C10orf67: variants seen among roughly 807,000 people sequenced by gnomAD.
The protein encoded by C10orf67 is chromosome 10 open reading frame 67.
In C10orf67, 60 loss-of-function variants were observed where a neutral mutation model predicts 35.6. The observed-to-expected ratio is 1.68, with a 90% CI of 1.37 to 2.09. The LOEUF (loss-of-function observed/expected upper bound fraction) is 2.09, where lower values mean the gene tolerates loss of function less well. Among genes scored for constraint, C10orf67 ranks in the 30% most tolerant of loss-of-function variants. The pLI, the probability that C10orf67 is intolerant of heterozygous loss-of-function variation, is 0.00. For missense variants in C10orf67, 474 were observed against 330.2 expected, an observed-to-expected ratio of 1.44 and a Z score of -3.38; for synonymous variants, 167 against 115.8, an observed-to-expected ratio of 1.44 and a Z score of -2.84.
At chr10:23,282,144 A>G in intron 7 of C10orf67, 66 bp from the exon 8 acceptor site, 2 of 425,840 alleles carry the variant, frequency 4.7e-6, no homozygotes, top group South Asian at 6.7e-5. Flanking sequence ...TCCCTCCTCA[A>G]GAAAATTTAG....
intron 5 of C10orf67, among the ~76,000 whole-genome samples, chr10:23,297,230 C>CCCTTTCCTTT (rs55638393): frequency 0.013 from 1,886 of 145,678 alleles, 34 homozygotes; most frequent in East Asian, 0.063. Context: ...CTTTCTATTT[C>CCCTTTCCTTT]CCTTTCCTTT....
chr10:23,249,547 T>C lies in C10orf67; in HGVS notation c.1346+908A>G, dbSNP rs370525841. 2.3e-4 allele frequency among the ~76,000 whole-genome samples: 35 copies of C among 152,348 alleles called. No homozygotes were observed. In the South Asian group the frequency reaches 4.8e-3, roughly 21 times the overall value. On this transcript the variant is annotated intron_variant, in intron 12 of 15. Coordinates refer to ENST00000636213, the MANE Select transcript of C10orf67 (RefSeq NM_001371909.1). ...TGTTTTTGCCCTGAATCCTCTGTTT[T>C]TTCTGTCTTGGCATGGATTCTTTGT...
At chr10:23,284,841 A>G (rs1321947427) in intron 7 of C10orf67, among the ~76,000 whole-genome samples, 1 of 152,198 alleles carries the variant, frequency 6.6e-6, no homozygotes, top group Non-Finnish European at 1.5e-5. Flanking sequence ...CTTCTCTAGT[A>G]CACACTTCTC....
rs185950401 is a variant in C10orf67 at position 23,325,783 on chromosome 10, C to T, written c.328-3246G>A. ...GTCAGAATTGCCAAAGATGTTAAAG[C>T]AGTTATTATAACTATGCATGATGAA... On this transcript the variant is annotated intron_variant, in intron 2 of 15. Transcript: ENST00000636213. 1.9e-4 allele frequency among the ~76,000 whole-genome samples: 28 copies of T among 151,002 alleles called. 1 individual carries two copies. Among genetic ancestry groups the T allele is most frequent in the South Asian group, 8.3e-4 (4 of 4,796 alleles).
At chr10:23,270,704 G>A (rs778079731) in intron 8 of C10orf67, among the ~76,000 whole-genome samples, 35 of 152,202 alleles carry the variant, frequency 2.3e-4, no homozygotes, top group South Asian at 2.1e-4. Context: ...GGGGAGAGGC[G>A]GCTGCCATCT....
intron 8 of C10orf67, among the ~76,000 whole-genome samples, chr10:23,280,934 G>A (rs1843346756): frequency 6.6e-6 from 1 of 152,026 alleles, no homozygotes; most frequent in African/African-American, 2.4e-5. Flanking sequence ...TTAGTTGTTT[G>A]TTTTCCAAAG....
intron 12 of C10orf67, among the ~76,000 whole-genome samples, chr10:23,249,191 T>G (rs1342458532): frequency 7.5e-6 from 1 of 133,176 alleles, no homozygotes; most frequent in Non-Finnish European, 1.6e-5. Context: ...AAATCATCAC[T>G]GAAGAATAGG....
intron 13 of C10orf67, among the ~76,000 whole-genome samples, chr10:23,225,553 C>T (rs1263296166): frequency 6.6e-6 from 1 of 152,100 alleles, no homozygotes; most frequent in African/African-American, 2.4e-5. Context: ...CTAAATGCTC[C>T]AATTAAAAGA....
intron 12 of C10orf67, among the ~76,000 whole-genome samples, chr10:23,245,558 C>T (rs1243401317): frequency 6.6e-6 from 1 of 152,186 alleles, no homozygotes; most frequent in African/African-American, 2.4e-5. Context: ...ACTGAATAGA[C>T]ATTTCCCCAA....
chr10:23,316,417 G>A (rs1844713087), intron 4 of C10orf67, among the ~76,000 whole-genome samples: 1 of 152,230 alleles, frequency 6.6e-6, no homozygotes, highest in Non-Finnish European at 1.5e-5. Flanking sequence ...CTAGGTCTGG[G>A]CGCCCCCAAG....
At chr10:23,253,127 A>G (rs1842504836) in intron 10 of C10orf67, among the ~76,000 whole-genome samples, 1 of 152,234 alleles carries the variant, frequency 6.6e-6, no homozygotes, top group Non-Finnish European at 1.5e-5. Flanking sequence ...CTGAAAGTCC[A>G]TTAAACCCCT....
intron 4 of C10orf67, among the ~76,000 whole-genome samples, chr10:23,307,190 T>G (rs1844318594): frequency 6.6e-6 from 1 of 152,224 alleles, no homozygotes; most frequent in African/African-American, 2.4e-5. Context: ...GTTACTTACT[T>G]CCAGCATTTA....
chr10:23,277,427 G>A (rs1398287225), intron 8 of C10orf67, among the ~76,000 whole-genome samples: 1 of 151,704 alleles, frequency 6.6e-6, no homozygotes, highest in East Asian at 1.9e-4. Context: ...TTGGTGCATG[G>A]CTGTAATCCC....
intron 13 of C10orf67, among the ~76,000 whole-genome samples, chr10:23,238,147 C>T (rs1363691823): frequency 6.6e-6 from 1 of 152,152 alleles, no homozygotes; most frequent in Non-Finnish European, 1.5e-5. Flanking sequence ...GTCTTGTTCA[C>T]TATGTTACAC....
intron 10 of C10orf67, among the ~76,000 whole-genome samples, chr10:23,252,561 G>C (rs1199329981): frequency 2.0e-5 from 3 of 152,194 alleles, no homozygotes; most frequent in African/African-American, 7.2e-5. Context: ...TTGAGCTAAA[G>C]TAGAGAAGGC....
intron 15 of C10orf67, among the ~76,000 whole-genome samples, chr10:23,204,951 C>T (rs919513212): frequency 6.6e-6 from 1 of 152,094 alleles, no homozygotes; most frequent in Non-Finnish European, 1.5e-5. Context: ...AAGCCGGGAG[C>T]GTGGAGAAGG....
At chr10:23,305,441 C>T (rs1344229851) in intron 4 of C10orf67, among the ~76,000 whole-genome samples, 1 of 152,134 alleles carries the variant, frequency 6.6e-6, no homozygotes, top group African/African-American at 2.4e-5. Context: ...AGTTTGGGAC[C>T]AGCCTGAGCA....
chr10:23,283,385 A>G (rs1362220928), intron 7 of C10orf67, among the ~76,000 whole-genome samples: 1 of 152,198 alleles, frequency 6.6e-6, no homozygotes, highest in Non-Finnish European at 1.5e-5. Flanking sequence ...TATGAATTTA[A>G]TAAACATCCC....
intron 13 of C10orf67, among the ~76,000 whole-genome samples, chr10:23,234,212 A>C (rs1841981345): frequency 6.6e-6 from 1 of 152,168 alleles, no homozygotes; most frequent in Non-Finnish European, 1.5e-5. Context: ...TATCATAAAG[A>C]CACATGCACA....
Sources: gnomAD v4.1 joint callset for allele counts (sites outside exome capture counted in the v4.1 genomes callset) on GRCh38, gnomAD v4.1.1 for gene constraint, MANE v1.5 for transcripts, NCBI Gene and HGNC (gene_info 2026-07-23, HGNC 2026-07-21) for gene names.